Variants in RAB38 observed in about 807,000 individuals in gnomAD.
RAB38 encodes the protein ras-related protein Rab-38.
In RAB38, 15 loss-of-function variants were observed where a neutral mutation model predicts 18.4. That is an observed-to-expected ratio of 0.82 (90% CI 0.55 to 1.26). RAB38 has a LOEUF of 1.26. Among genes scored for constraint, RAB38 ranks in the 50% most tolerant of loss-of-function variants. The pLI is 0.00. For synonymous variants in RAB38, 101 were observed against 104.4 expected (o/e 0.97, Z 0.20); for missense variants, 294 against 267.4 (o/e 1.10, Z -0.69).
In RAB38 at chr11:88,155,430, G is replaced by A. The variant is rs371420376; in HGVS notation, c.203-5475C>T. Among the ~76,000 whole-genome samples the A allele has an allele frequency of 2.0e-5, 3 of 151,832 alleles. No individual in the cohort carries two copies. The South Asian group carries it at 6.2e-4, about 32-fold the overall frequency. On this transcript the variant is annotated intron_variant, in intron 1 of 2. Coordinates refer to ENST00000243662, the MANE Select transcript of RAB38 (RefSeq NM_022337.3). ...AAAACCTGCAGAAAGAAGTACATAA[G>A]GCTACAGAAGCAAAACCAAAAGACC...
the RAB38 span, among the ~76,000 whole-genome samples, chr11:88,078,063 A>G: frequency 1.3e-5 from 2 of 152,136 alleles, no homozygotes; most frequent in African/African-American, 4.8e-5. Context: ...CAACAGGTAT[A>G]TTAAAAAATC....
the RAB38 span, among the ~76,000 whole-genome samples, chr11:87,821,288 C>T: frequency 1.3e-5 from 2 of 152,092 alleles, no homozygotes; most frequent in Non-Finnish European, 2.9e-5. Flanking sequence ...CAGAAGCAAC[C>T]ACAGATGCTA....
intron 1 of RAB38, 25 bp downstream of exon 1, chr11:88,175,158 C>T: frequency 6.4e-7 from 1 of 1,564,104 alleles, no homozygotes; most frequent in South Asian, 1.2e-5. Flanking sequence ...GCTCTATCCC[C>T]CTGACCCCCT....
chr11:88,024,460 T>G, the RAB38 span, among the ~76,000 whole-genome samples: 2 of 152,208 alleles, frequency 1.3e-5, no homozygotes, highest in Non-Finnish European at 2.9e-5. Context: ...ACAACCACTA[T>G]GAAGAACACT....
At chr11:88,026,622 C>T in the RAB38 span, among the ~76,000 whole-genome samples, 1 of 151,476 alleles carries the variant, frequency 6.6e-6, no homozygotes, top group South Asian at 2.1e-4. Context: ...TCATGATCCG[C>T]CCGCCTCAGC....
At chr11:88,163,571 A>G (rs898715269) in intron 1 of RAB38, among the ~76,000 whole-genome samples, 3 of 152,126 alleles carry the variant, frequency 2.0e-5, no homozygotes, top group Admixed American at 1.3e-4. Context: ...CTATTCAACA[A>G]GAAGATAAAG....
At chr11:87,955,350 A>G in the RAB38 span, among the ~76,000 whole-genome samples, 1 of 152,342 alleles carries the variant, frequency 6.6e-6, no homozygotes, top group South Asian at 2.1e-4. Context: ...TCAACAATGG[A>G]CACTGGAGGC....
the RAB38 span, among the ~76,000 whole-genome samples, chr11:87,853,796 AC>A: frequency 6.6e-6 from 1 of 152,214 alleles, no homozygotes; most frequent in African/African-American, 2.4e-5. Context: ...AAATTACACA[AC>A]TTTCTCTTAC....
chr11:88,074,810 C>T, the RAB38 span, among the ~76,000 whole-genome samples: 1 of 152,084 alleles, frequency 6.6e-6, no homozygotes, highest in African/African-American at 2.4e-5. Flanking sequence ...CTACAAGAAA[C>T]TCATTTCACT....
the RAB38 span, among the ~76,000 whole-genome samples, chr11:87,930,025 A>T: frequency 6.6e-6 from 1 of 152,106 alleles, no homozygotes; most frequent in Non-Finnish European, 1.5e-5. Flanking sequence ...CAATAAACAT[A>T]CGTGTGCACG....
chr11:87,878,002 A>G, the RAB38 span, among the ~76,000 whole-genome samples: 11 of 151,000 alleles, frequency 7.3e-5, no homozygotes, highest in South Asian at 2.1e-4. Context: ...GAAGCAAATA[A>G]GTATTAATAT....
chr11:88,028,614 G>A, the RAB38 span, among the ~76,000 whole-genome samples: 1 of 152,192 alleles, frequency 6.6e-6, no homozygotes, highest in African/African-American at 2.4e-5. Context: ...CGATCAACTG[G>A]AAGAAAGGGT....
At chr11:87,842,794 G>GCA in the RAB38 span, among the ~76,000 whole-genome samples, 156 of 129,980 alleles carry the variant, frequency 1.2e-3, no homozygotes, top group South Asian at 0.012. Flanking sequence ...GCATGCGCAT[G>GCA]CACACACACA....
rs189499944 is a variant in RAB38 at position 88,165,878 on chromosome 11, T to C, written c.202+9305A>G. The C allele has an allele frequency of 1.3e-3, 190 of 151,948 alleles. 1 individual carries two copies. Among genetic ancestry groups the C allele is most frequent in the African/African-American group, 4.4e-3 (182 of 41,428 alleles). The allele number at this position is 151,948 out of a possible 1,614,324, so 9.4% of individuals were successfully genotyped here. On this transcript the variant is annotated intron_variant, in intron 1 of 2. Transcript: ENST00000243662. ...ATTTACTAAAAATCATGAAGGAAAT[T>C]TGGATAGATAGAAAATAACTGTAAC...
chr11:87,894,539 A>T, the RAB38 span, among the ~76,000 whole-genome samples: 1 of 151,610 alleles, frequency 6.6e-6, no homozygotes, highest in East Asian at 2.0e-4. Context: ...AGTTGTATTA[A>T]AATCATCTGA....
chr11:88,124,184 T>C (rs994347165), intron 2 of RAB38, among the ~76,000 whole-genome samples: 76 of 152,218 alleles, frequency 5.0e-4, no homozygotes, highest in Non-Finnish European at 6.8e-4. Context: ...TCAATGATAC[T>C]AGGCAATACC....
chr11:88,052,303 G>A, the RAB38 span, among the ~76,000 whole-genome samples: 2 of 152,154 alleles, frequency 1.3e-5, no homozygotes, highest in East Asian at 1.9e-4. Flanking sequence ...AGATCTATAG[G>A]TCAAAAGCAA....
chr11:88,096,506 T>C, the RAB38 span, among the ~76,000 whole-genome samples: 1 of 151,902 alleles, frequency 6.6e-6, no homozygotes, highest in Non-Finnish European at 1.5e-5. Context: ...ATATTATATA[T>C]ATATTTGTAG....
chr11:88,157,039 C>A (rs1943135744), intron 1 of RAB38, among the ~76,000 whole-genome samples: 1 of 152,146 alleles, frequency 6.6e-6, no homozygotes, highest in Non-Finnish European at 1.5e-5. Flanking sequence ...ACTTAAAAGG[C>A]ACAGAATGGC....
Sources: allele counts gnomAD v4.1 joint callset (sites outside exome capture counted in the v4.1 genomes callset), GRCh38; gene constraint gnomAD v4.1.1; transcripts MANE v1.5; gene names NCBI Gene and HGNC (gene_info 2026-07-23, HGNC 2026-07-21).